The following LUZP1 variants were observed in gnomAD, a reference collection of about 807,000 sequenced individuals.
LUZP1 encodes the protein leucine zipper protein 1, also known as filamin mechanobinding actin cross-linking protein.
A neutral mutation model predicts 71.3 loss-of-function variants in LUZP1; 25 were observed. The ratio of observed to expected loss-of-function variants is 0.35; its 90% CI spans 0.26 to 0.49. LUZP1 has a LOEUF of 0.49. LUZP1 is among the 20% of genes least tolerant of loss of function. The pLI is 0.99. For missense variants in LUZP1, 1,142 were observed against 1,300.8 expected, an observed-to-expected ratio of 0.88 and a Z score of 1.88; for synonymous variants, 481 against 506.4, an observed-to-expected ratio of 0.95 and a Z score of 0.67.
chr1:23,096,167 A>G (rs1194889450), intron 3 of LUZP1, among the ~76,000 whole-genome samples: 1 of 151,992 alleles, frequency 6.6e-6, no homozygotes, highest in East Asian at 1.9e-4. Flanking sequence ...ACAAGGTGCT[A>G]TCAACAAAGA....
chr1:23,142,686 A>AATAT (rs147043620), intron 2 of LUZP1, among the ~76,000 whole-genome samples: 2 of 117,518 alleles, frequency 1.7e-5, no homozygotes, highest in Non-Finnish European at 3.5e-5. Context: ...GGGTGCATAA[A>AATAT]ATATATATAT....
intron 2 of LUZP1, among the ~76,000 whole-genome samples, chr1:23,111,807 G>A (rs999625107): frequency 2.0e-5 from 2 of 100,932 alleles, no homozygotes; most frequent in Admixed American, 1.1e-4. Flanking sequence ...CACAAACACC[G>A]CCCCCCCACA....
intron 2 of LUZP1, among the ~76,000 whole-genome samples, chr1:23,168,102 C>A (rs931768525): frequency 6.7e-6 from 1 of 148,634 alleles, no homozygotes. Flanking sequence ...CAGCAGAGCG[C>A]CCGGGACGCG....
chr1:23,116,040 G>A (rs1644075376), intron 2 of LUZP1, among the ~76,000 whole-genome samples: 1 of 152,178 alleles, frequency 6.6e-6, no homozygotes, highest in South Asian at 2.1e-4. Flanking sequence ...CTCGAGCCCA[G>A]GAGTTTGAGA....
At chr1:23,144,760 G>A (rs1010470944) in intron 2 of LUZP1, among the ~76,000 whole-genome samples, 2 of 152,146 alleles carry the variant, frequency 1.3e-5, no homozygotes, top group African/African-American at 2.4e-5. Flanking sequence ...AAATACCACA[G>A]GTTAGTCCTG....
chr1:23,159,946 A>C (rs901648760), intron 2 of LUZP1, among the ~76,000 whole-genome samples: 6 of 152,232 alleles, frequency 3.9e-5, no homozygotes, highest in African/African-American at 1.4e-4. Context: ...AGATCACGCC[A>C]CTGCACTCCA....
At chr1:23,087,401 C>T (rs1643781973) in exon 5 of LUZP1, 1 of 152,178 alleles carries the variant, frequency 6.6e-6, no homozygotes, top group African/African-American at 2.4e-5. Context: ...CCTTAGAATA[C>T]CAGATTTGGT....
intron 1 of LUZP1, among the ~76,000 whole-genome samples, chr1:23,173,592 AGCCATCCACCT>A (rs1644566007): frequency 1.3e-5 from 2 of 151,866 alleles, no homozygotes; most frequent in Admixed American, 1.3e-4. Flanking sequence ...TCTGAGCTCA[AGCCATCCACCT>A]GCCTTGGCCT....
exon 5 of LUZP1, chr1:23,085,396 C>T (rs1400259027): frequency 6.6e-6 from 1 of 152,618 alleles, no homozygotes; most frequent in Non-Finnish European, 1.5e-5. Flanking sequence ...GGCCCCTTTC[C>T]TATGATCCTA....
At chr1:23,126,394 G>C (rs1361859976) in intron 2 of LUZP1, among the ~76,000 whole-genome samples, 1 of 152,180 alleles carries the variant, frequency 6.6e-6, no homozygotes, top group Non-Finnish European at 1.5e-5. Context: ...AAGGCAGGAG[G>C]ATCAGCTGAG....
intron 2 of LUZP1, among the ~76,000 whole-genome samples, chr1:23,147,286 C>A (rs533786321): frequency 2.7e-4 from 41 of 149,328 alleles, no homozygotes; most frequent in Non-Finnish European, 4.9e-4. Context: ...ACTAAAAATA[C>A]AAAAATTAGC....
chr1:23,158,327 T>C (rs979806737), intron 2 of LUZP1, among the ~76,000 whole-genome samples: 5 of 152,176 alleles, frequency 3.3e-5, no homozygotes, highest in African/African-American at 1.2e-4. Flanking sequence ...CTTTCCATAT[T>C]GTTTGTTGTT....
intron 2 of LUZP1, among the ~76,000 whole-genome samples, chr1:23,155,539 A>G (rs1233795958): frequency 6.6e-6 from 1 of 152,240 alleles, no homozygotes; most frequent in African/African-American, 2.4e-5. Context: ...GGGTTGCTGA[A>G]AAGAGATTAA....
intron 2 of LUZP1, among the ~76,000 whole-genome samples, chr1:23,113,385 C>T (rs184582269): frequency 6.6e-5 from 10 of 151,684 alleles, no homozygotes; most frequent in African/African-American, 2.4e-4. Flanking sequence ...CCAGCCTGGG[C>T]GACTGAGTGA....
At chr1:23,090,623 G>C (rs1306460228) in intron 4 of LUZP1, 1 of 553,306 alleles carries the variant, frequency 1.8e-6, no homozygotes, top group East Asian at 2.9e-5. Flanking sequence ...ACAGCTGTCT[G>C]GGGGGCAAAA....
chr1:23,090,577 A>G (rs1643836788), intron 4 of LUZP1: 1 of 463,698 alleles, frequency 2.2e-6, no homozygotes, highest in Non-Finnish European at 3.9e-6. Context: ...AGCTATACTG[A>G]ACCAGCCCTG....
intron 4 of LUZP1, chr1:23,090,889 T>C (rs1482745912): frequency 8.4e-6 from 6 of 717,842 alleles, no homozygotes; most frequent in Non-Finnish European, 1.6e-5. Flanking sequence ...GGGGAGCTCC[T>C]TTAGCTGCTC....
intron 3 of LUZP1, among the ~76,000 whole-genome samples, chr1:23,099,139 C>G (rs1045008964): frequency 7.2e-5 from 11 of 152,198 alleles, no homozygotes; most frequent in African/African-American, 2.7e-4. Flanking sequence ...GAAAAAACCT[C>G]CTATAGTTTA....
intron 3 of LUZP1, among the ~76,000 whole-genome samples, chr1:23,106,965 A>AGGCCCTACAT (rs1476725234): frequency 2.0e-5 from 3 of 152,218 alleles, no homozygotes; most frequent in Non-Finnish European, 2.9e-5. Flanking sequence ...CATGGCTGTA[A>AGGCCCTACAT]GGCCCTACAT....
Sources: allele counts gnomAD v4.1 joint callset (sites outside exome capture counted in the v4.1 genomes callset), GRCh38; gene constraint gnomAD v4.1.1; transcripts MANE v1.5; gene names NCBI Gene and HGNC (gene_info 2026-07-23, HGNC 2026-07-21).